The following JARID2 variants were observed in gnomAD, a reference collection of about 807,000 sequenced individuals.
The protein encoded by JARID2 is jumonji and AT-rich interaction domain containing 2, also known as protein Jumonji.
Under a neutral mutation model 125.6 loss-of-function variants are expected in JARID2, and 21 were observed. The ratio of observed to expected loss-of-function variants is 0.17; its 90% CI spans 0.12 to 0.24. The LOEUF is 0.24. JARID2 is among the 10% of genes least tolerant of loss of function. JARID2 has a pLI of 1.00. For synonymous variants in JARID2, 736 were observed against 661.6 expected (o/e 1.11, Z -1.73); for missense variants, 1,303 against 1,639.6 (o/e 0.79, Z 3.55).
chr6:15,312,691 C>G (rs188227796), intron 1 of JARID2, among the ~76,000 whole-genome samples: 17 of 152,308 alleles, frequency 1.1e-4, no homozygotes, highest in African/African-American at 3.8e-4. Context: ...TCAGTAGTCT[C>G]CTCTCTTTCT....
intron 3 of JARID2, among the ~76,000 whole-genome samples, chr6:15,437,547 C>A (rs1012485492): frequency 6.6e-6 from 1 of 151,844 alleles, no homozygotes; most frequent in Non-Finnish European, 1.5e-5. Flanking sequence ...ATAGAAGAAA[C>A]GTATTTTAAA....
chr6:15,308,569 G>C (rs147843912), intron 1 of JARID2, among the ~76,000 whole-genome samples: 1 of 152,130 alleles, frequency 6.6e-6, no homozygotes, highest in Admixed American at 6.5e-5. Context: ...AAATAGTGAC[G>C]GTTGATCTAC....
At chr6:15,485,153 G>A (rs567255395) in intron 5 of JARID2, among the ~76,000 whole-genome samples, 1 of 152,258 alleles carries the variant, frequency 6.6e-6, no homozygotes, top group Admixed American at 6.5e-5. Context: ...CTTGTGCAAC[G>A]TCGGATTGTA....
chr6:15,269,572 A>ATTTTTTTTTT (rs35174256), intron 1 of JARID2, among the ~76,000 whole-genome samples: 1 of 135,630 alleles, frequency 7.4e-6, no homozygotes, highest in African/African-American at 2.8e-5. Flanking sequence ...CTATTTTAAA[A>ATTTTTTTTTT]TTTTTTTTTT....
At chr6:15,515,762 AAC>A (rs1554148576) in intron 16 of JARID2, among the ~76,000 whole-genome samples, 6 of 149,468 alleles carry the variant, frequency 4.0e-5, no homozygotes, top group Non-Finnish European at 7.5e-5. Flanking sequence ...AAAAAAAAAA[AAC>A]AAAAACAAAA....
chr6:15,248,434 G>A (rs1438406500), intron 1 of JARID2: 1 of 139,124 alleles, frequency 7.2e-6, no homozygotes. Context: ...GCGGGGAGGG[G>A]GTGGGAGCGG....
intron 1 of JARID2, among the ~76,000 whole-genome samples, chr6:15,316,276 T>C (rs1432689853): frequency 6.6e-6 from 1 of 151,982 alleles, no homozygotes; most frequent in African/African-American, 2.4e-5. Context: ...CACGTATTTT[T>C]AGTAGAGACA....
chr6:15,440,787 G>C (rs896940268), intron 3 of JARID2, among the ~76,000 whole-genome samples: 2 of 152,194 alleles, frequency 1.3e-5, no homozygotes, highest in African/African-American at 4.8e-5. Flanking sequence ...TCAGAAGGTG[G>C]AGGAGAATTA....
chr6:15,477,450 C>A (rs925016559), intron 5 of JARID2, among the ~76,000 whole-genome samples: 1 of 148,750 alleles, frequency 6.7e-6, no homozygotes, highest in African/African-American at 2.5e-5. Flanking sequence ...CTCCATTTTT[C>A]CTGTTGAGAC....
At chr6:15,490,110 T>A (rs1295841908) in intron 6 of JARID2, among the ~76,000 whole-genome samples, 1 of 152,242 alleles carries the variant, frequency 6.6e-6, no homozygotes, top group Non-Finnish European at 1.5e-5. Context: ...AGTTAAGTAC[T>A]CTGAAAATAA....
At chr6:15,274,140 G>T (rs542331450) in intron 1 of JARID2, among the ~76,000 whole-genome samples, 3 of 152,118 alleles carry the variant, frequency 2.0e-5, no homozygotes, top group Non-Finnish European at 4.4e-5. Context: ...GTTTTGGCCA[G>T]GCTGGTCTTG....
chr6:15,332,877 G>A (rs997465996), intron 1 of JARID2, among the ~76,000 whole-genome samples: 4 of 149,902 alleles, frequency 2.7e-5, no homozygotes, highest in South Asian at 2.1e-4. Flanking sequence ...AAGAATAACA[G>A]CTTTATAGAA....
At chr6:15,377,888 CTTT>C (rs71772091) in intron 2 of JARID2, among the ~76,000 whole-genome samples, 55,377 of 144,670 alleles carry the variant, frequency 0.38, 10,551 homozygotes, top group Admixed American at 0.46. Flanking sequence ...TTTTCTTCTT[CTTT>C]TTTTTTTTTC....
intron 1 of JARID2, among the ~76,000 whole-genome samples, chr6:15,318,560 G>A (rs1581406407): frequency 6.6e-6 from 1 of 152,226 alleles, no homozygotes; most frequent in East Asian, 1.9e-4. Flanking sequence ...GTTGCTGTGA[G>A]TGAGCAGGCT....
intron 6 of JARID2, among the ~76,000 whole-genome samples, chr6:15,494,120 A>C (rs1342943628): frequency 6.6e-6 from 1 of 152,178 alleles, no homozygotes; most frequent in Non-Finnish European, 1.5e-5. Context: ...CCTACCAAGA[A>C]TTTGTGGCTT....
At chr6:15,379,251 A>T (rs771474785) in intron 2 of JARID2, among the ~76,000 whole-genome samples, 26 of 152,000 alleles carry the variant, frequency 1.7e-4, no homozygotes, top group Non-Finnish European at 3.2e-4. Context: ...AACTGATGCC[A>T]TCGTTACAGC....
chr6:15,382,192 G>A (rs1764616157), intron 2 of JARID2, among the ~76,000 whole-genome samples: 1 of 152,232 alleles, frequency 6.6e-6, no homozygotes, highest in African/African-American at 2.4e-5. Context: ...GAACCCAGGA[G>A]GCAGAGGTTG....
At chr6:15,510,204 C>G (rs1771206479) in intron 12 of JARID2, among the ~76,000 whole-genome samples, 1 of 152,092 alleles carries the variant, frequency 6.6e-6, no homozygotes, top group African/African-American at 2.4e-5. Context: ...GCTTCACTGG[C>G]TTAGCATCCT....
chr6:15,367,090 G>C (rs552156336), intron 1 of JARID2, among the ~76,000 whole-genome samples: 5 of 152,136 alleles, frequency 3.3e-5, no homozygotes, highest in South Asian at 2.1e-4. Context: ...TTTCCCTGTC[G>C]TTACTACCAG....
Sources: gnomAD v4.1 joint callset for allele counts (sites outside exome capture counted in the v4.1 genomes callset) on GRCh38, gnomAD v4.1.1 for gene constraint, MANE v1.5 for transcripts, NCBI Gene and HGNC (gene_info 2026-07-23, HGNC 2026-07-21) for gene names.